TEKT3: variants seen among roughly 807,000 people sequenced by gnomAD.
TEKT3 encodes tektin 3.
TEKT3 carries 49 observed loss-of-function variants against 49.8 expected under a neutral mutation model. The observed-to-expected ratio is 0.98, with a 90% CI of 0.78 to 1.25. The LOEUF (loss-of-function observed/expected upper bound fraction) is 1.25. Among genes scored for constraint, TEKT3 ranks in the 50% most tolerant of loss-of-function variants. TEKT3 has a pLI of 0.00. For synonymous variants in TEKT3, 225 were observed against 237.2 expected, an observed-to-expected ratio of 0.95 and a Z score of 0.47; for missense variants, 595 against 629.5, an observed-to-expected ratio of 0.95 and a Z score of 0.59.
At position 15,319,127 on chromosome 17, in the gene TEKT3, A is replaced by G. The variant is rs781295921; in HGVS notation, c.684T>C (p.Cys228=). ...AATGTAGCTTCATTCTTTCTTGACA[A>G]CACAGAATAGTATCAACTTCCTACT... ...QLLTEVDTIL[C]CQERMKLHLD... Residue 228 remains cysteine, a synonymous_variant, in exon 5 of 9, where the codon TGT becomes TGC. Coordinates refer to ENST00000395930, the MANE Select transcript of TEKT3 (RefSeq NM_031898.3). 3 of 1,610,064 alleles carry G rather than the reference A, an allele frequency of 1.9e-6. No homozygotes were observed. In the South Asian group the frequency reaches 3.3e-5, roughly 18 times the overall value.
chr17:15,309,582 T>C (rs1001704418), intron 7 of TEKT3, among the ~76,000 whole-genome samples: 1 of 152,160 alleles, frequency 6.6e-6, no homozygotes, highest in African/African-American at 2.4e-5. Context: ...TTACTGTCCC[T>C]CTTCCTGGGT....
At chr17:15,319,245 T>C in intron 4 of TEKT3, 98 bp from the exon 5 acceptor site, 1 of 1,042,140 alleles carries the variant, frequency 9.6e-7, no homozygotes. Context: ...AAATTTTGTT[T>C]CTTAAAATAC....
At chr17:15,319,283 G>A in intron 4 of TEKT3, 136 bp from the exon 5 acceptor site, 1 of 688,934 alleles carries the variant, frequency 1.5e-6, no homozygotes, top group South Asian at 2.2e-5. Context: ...AAACAATTTT[G>A]CTTCCACTTA....
chr17:15,327,760 C>A, intron 4 of TEKT3: 1 of 437,402 alleles, frequency 2.3e-6, no homozygotes, highest in East Asian at 3.4e-5. Context: ...TGATTTCTGT[C>A]TAATAAAGCT....
intron 2 of TEKT3, among the ~76,000 whole-genome samples, chr17:15,333,800 C>T (rs930177400): frequency 6.1e-5 from 9 of 148,706 alleles, no homozygotes; most frequent in Admixed American, 5.5e-4. Context: ...CGCTCTGTCG[C>T]CCAGGCTCCA....
At position 15,324,683 on chromosome 17, in the gene TEKT3, AT is replaced by A. The variant is rs550646878; in HGVS notation, c.663+3308del. Among the ~76,000 whole-genome samples, 20 of 152,108 alleles carry A rather than the reference AT, an allele frequency of 1.3e-4. No homozygotes were observed. The South Asian group carries it at 3.1e-3, about 24-fold the overall frequency. ...CCTTTGCCCATTTTTAATTGGGTTG[AT>A]TTTTTTTAATTGTGACAGTTATTTA... On this transcript the variant is annotated intron_variant, in intron 4 of 8. Coordinates refer to ENST00000395930, the MANE Select transcript of TEKT3 (RefSeq NM_031898.3).
At chr17:15,332,727 G>A (rs1220369497) in intron 2 of TEKT3, among the ~76,000 whole-genome samples, 1 of 152,170 alleles carries the variant, frequency 6.6e-6, no homozygotes, top group African/African-American at 2.4e-5. Context: ...GATTAGCAGA[G>A]TGTCGGACAC....
rs1299287990 is a variant in TEKT3, at chr17:15,304,349, T to C, written c.1257-197A>G. ...TGGTGACAATGAACCAATGGGAATG[T>C]AGATGTCCCAGGAGATAGAAAAGGA... On this transcript the variant is annotated intron_variant, in intron 8 of 8. Transcript: ENST00000395930. The surrounding 1 kb of genome is among the most constrained non-coding windows in gnomAD (Gnocchi z 4.7). Among the ~76,000 whole-genome samples the C allele has an allele frequency of 6.6e-6, 1 of 152,186 alleles. No individual in the cohort carries two copies. Among genetic ancestry groups the C allele is most frequent in the Non-Finnish European group, 1.5e-5 (1 of 68,034 alleles).
At chr17:15,330,853 G>A (rs560468468) in intron 3 of TEKT3, among the ~76,000 whole-genome samples, 154 bp downstream of exon 3, 1 of 152,230 alleles carries the variant, frequency 6.6e-6, no homozygotes, top group Non-Finnish European at 1.5e-5. Flanking sequence ...ATAGGCAGTG[G>A]TTTTGCCATT....
intron 7 of TEKT3, among the ~76,000 whole-genome samples, chr17:15,309,441 C>T (rs978631766): frequency 3.9e-5 from 6 of 152,136 alleles, no homozygotes; most frequent in African/African-American, 1.4e-4. Flanking sequence ...CCCCAAATTG[C>T]GTAAACATGG....
At chr17:15,320,084 C>T (rs767615098) in intron 4 of TEKT3, among the ~76,000 whole-genome samples, 1 of 152,122 alleles carries the variant, frequency 6.6e-6, no homozygotes, top group Non-Finnish European at 1.5e-5. Flanking sequence ...AAAAGTGGTA[C>T]TCATTTACAA....
intron 6 of TEKT3, 75 bp from the exon 7 acceptor site, chr17:15,312,556 T>A: frequency 7.4e-7 from 1 of 1,359,028 alleles, no homozygotes; most frequent in Non-Finnish European, 1.0e-6. Context: ...CAATCATTTA[T>A]CCTGAGAGAG....
chr17:15,306,442 T>G (rs1910555720), intron 8 of TEKT3, among the ~76,000 whole-genome samples: 1 of 151,434 alleles, frequency 6.6e-6, no homozygotes, highest in Non-Finnish European at 1.5e-5. Context: ...ACAAGAAAAC[T>G]TGACAGAAAC....
At chr17:15,333,582 G>A (rs1183241036) in intron 2 of TEKT3, among the ~76,000 whole-genome samples, 1 of 152,006 alleles carries the variant, frequency 6.6e-6, no homozygotes, top group African/African-American at 2.4e-5. Context: ...TTTGAAAAAG[G>A]AAATTTAAAG....
Position 15,308,715 on chromosome 17 carries a change from T to C in TEKT3, c.1205A>G (p.Glu402Gly). 1 of 1,613,682 alleles carries C rather than the reference T, an allele frequency of 6.2e-7. No individual in the cohort carries two copies. Among genetic ancestry groups the C allele is most frequent in the Non-Finnish European group, 8.5e-7 (1 of 1,179,920 alleles). Residue 402 changes from glutamate to glycine, a missense_variant, in exon 8 of 9, where the codon GAG becomes GGG. Glu to Gly is a moderately conservative substitution (Grantham distance 98, BLOSUM62 -2). Transcript: ENST00000395930. The part of the protein sequence containing the change: ...FLKVAQTRLD[E>G]RTRRPNIELC... The stretch of plus-strand genomic sequence containing the variant: ...CTCAATGTTCGGCCGTCTTGTGCGC[T>C]CATCCAGTCTGGTCTGAGCCACCTT...
At chr17:15,317,213 C>A (rs1395236349) in intron 5 of TEKT3, among the ~76,000 whole-genome samples, 5 of 152,144 alleles carry the variant, frequency 3.3e-5, no homozygotes, top group African/African-American at 4.8e-5. Flanking sequence ...CAGGTACAAA[C>A]ACACAGAACT....
At chr17:15,311,307 G>A (rs1246060704) in intron 7 of TEKT3, 1 of 152,140 alleles carries the variant, frequency 6.6e-6, no homozygotes, top group African/African-American at 2.4e-5. Flanking sequence ...TAGGCAACAT[G>A]GCTCATGGTG....
At chr17:15,317,599 T>C (rs1911064094) in intron 5 of TEKT3, among the ~76,000 whole-genome samples, 1 of 152,168 alleles carries the variant, frequency 6.6e-6, no homozygotes, top group Admixed American at 6.5e-5. Flanking sequence ...GCAAATTAAA[T>C]GAGCAGCATG....
chr17:15,322,058 T>G (rs414494), intron 4 of TEKT3, among the ~76,000 whole-genome samples: 1 of 151,828 alleles, frequency 6.6e-6, no homozygotes, highest in African/African-American at 2.4e-5. Context: ...GAATGATGAA[T>G]AGTGGGACTC....
Sources: allele counts gnomAD v4.1 joint callset (sites outside exome capture counted in the v4.1 genomes callset), GRCh38; gene constraint gnomAD v4.1.1; non-coding constraint Gnocchi (gnomAD v3.1); transcripts MANE v1.5; gene names NCBI Gene and HGNC (gene_info 2026-07-23, HGNC 2026-07-21).